The following KMT2A variants were observed in gnomAD, a reference collection of about 807,000 sequenced individuals.
The protein encoded by KMT2A is lysine methyltransferase 2A.
KMT2A carries 16 observed loss-of-function variants against 345.3 expected under a neutral mutation model. The observed-to-expected ratio is 0.05, with a 90% confidence interval of 0.03 to 0.07. The LOEUF is 0.07. KMT2A is among the 10% of genes least tolerant of loss of function. The pLI, the probability that KMT2A is intolerant of heterozygous loss-of-function variation, is 1.00. For synonymous variants in KMT2A, 1,599 were observed against 1,778.6 expected (o/e 0.90, Z 2.54); for missense variants, 3,272 against 4,841.6 (o/e 0.68, Z 9.62).
In KMT2A at chr11:118,506,479, A is replaced by T; in HGVS notation, c.10587A>T (p.Ala3529=). The change falls in exon 27 of 36, where the codon GCA becomes GCT. Residue 3529 remains alanine (A), a synonymous_variant. Coordinates refer to ENST00000534358, the MANE Select transcript of KMT2A (RefSeq NM_001197104.2). ...PSSPSSGQRS[A]SPSVPGPTKP... is the part of the protein sequence containing the mutation. ...CTCCATCTTCTGGACAGCGGTCAGC[A>T]AGCCCTTCAGTGCCGGGTCCCACTA... The T allele has an allele frequency of 6.2e-7, 1 of 1,614,214 alleles. No individual in the cohort carries two copies. Among genetic ancestry groups the T allele is most frequent in the South Asian group, 1.1e-5 (1 of 91,082 alleles).
At chr11:118,444,905 G>C (rs542504480) in intron 1 of KMT2A, among the ~76,000 whole-genome samples, 1 of 152,054 alleles carries the variant, frequency 6.6e-6, no homozygotes, top group Non-Finnish European at 1.5e-5. Flanking sequence ...CCATACCTCT[G>C]TTTCTTCATT....
In KMT2A at chr11:118,519,707, T is replaced by C; in HGVS notation, c.11236T>C (p.Tyr3746His). ...QLSGAKHCRNYKFRFHKPEEA... is the reference protein window; with the variant it reads ...QLSGAKHCRNHKFRFHKPEEA... ...GTCTGGTGCCAAGCACTGTCGAAAT[T>C]ACAAATTCCGTTTCCACAAGCCAGA... Residue 3746 changes from tyrosine (Y) to histidine (H), a missense_variant, in exon 32 of 36, where the codon TAC (tyrosine) becomes CAC (histidine). This residue lies in a region of KMT2A where 72 missense variants were observed against 135.6 expected (regional missense o/e 0.53). Coordinates refer to ENST00000534358, the MANE Select transcript of KMT2A (RefSeq NM_001197104.2). 1 of 1,614,184 alleles carries C rather than the reference T, an allele frequency of 6.2e-7. No individual in the cohort carries two copies.
At position 118,436,683 on chromosome 11, in the gene KMT2A, C is replaced by A. The variant is rs1555138558; in HGVS notation, c.171C>A (p.Pro57=). Residue 57 remains proline, a synonymous_variant, in exon 1 of 36, where the codon CCC becomes CCA. Coordinates refer to ENST00000534358, the MANE Select transcript of KMT2A (RefSeq NM_001197104.2). The surrounding 1 kb of genome is among the most constrained non-coding windows in gnomAD (Gnocchi z 6.9). ...GCGGCCCCGGGGCGCCCCCCTCCCC[C>A]CCGGCTGTGGCGGCCGCGGCGGCGG... The part of the protein sequence containing the change: ...GGGGPGAPPS[P]PAVAAAAAAA... 3.1e-6 allele frequency: 4 copies of A among 1,273,850 alleles called. No homozygotes were observed. The highest frequency in any genetic ancestry group is 3.0e-6 in the Non-Finnish European group (3 of 1,008,114). 78.9% of individuals were successfully genotyped at this position (1,273,850 alleles called of 1,614,324 possible).
chr11:118,458,033 C>G (rs1949679893), intron 1 of KMT2A, among the ~76,000 whole-genome samples: 1 of 152,036 alleles, frequency 6.6e-6, no homozygotes, highest in African/African-American at 2.4e-5. Context: ...TCCTCCCAAC[C>G]TGAGGGCATT....
intron 1 of KMT2A, among the ~76,000 whole-genome samples, chr11:118,455,666 T>C (rs1414213659): frequency 6.7e-6 from 1 of 149,632 alleles, no homozygotes; most frequent in Admixed American, 6.6e-5. Context: ...CCCTTATTAT[T>C]ATTATTTTTT....
intron 31 of KMT2A, among the ~76,000 whole-genome samples, chr11:118,515,273 G>A (rs1555051306): frequency 2.0e-5 from 3 of 152,100 alleles, no homozygotes; most frequent in Admixed American, 2.0e-4. Flanking sequence ...AAATTCCCTG[G>A]TTTACACAAC....
chr11:118,482,752 C>G (rs1366287388), intron 8 of KMT2A, among the ~76,000 whole-genome samples: 1 of 115,320 alleles, frequency 8.7e-6, no homozygotes. Context: ...TTTATTTAAA[C>G]AAAAAAAAAA....
At chr11:118,509,258 G>A (rs2134428117) in intron 29 of KMT2A, 58 bp downstream of exon 29, 2 of 1,335,868 alleles carry the variant, frequency 1.5e-6, no homozygotes, top group East Asian at 2.4e-5. Context: ...AGGATTATGA[G>A]AATCACCCAC....
chr11:118,506,234 G>A lies in KMT2A; in HGVS notation c.10342G>A (p.Glu3448Lys). ...TGITAASPSG[E>K]ADEHYQLQHV... ...CATAACAGCCGCTTCACCTTCTGGG[G>A]AAGCAGACGAACACTATCAGCTTCA... The change falls in exon 27 of 36, where the codon GAA becomes AAA. Residue 3448 changes from glutamate (E) to lysine (K), a missense_variant. Physicochemically the swap from Glu to Lys is moderately conservative, Grantham distance 56. Transcript: ENST00000534358. 1 of 1,614,178 alleles carries A rather than the reference G, an allele frequency of 6.2e-7. No individual in the cohort carries two copies. Among genetic ancestry groups the A allele is most frequent in the Non-Finnish European group, 8.5e-7 (1 of 1,180,032 alleles).
rs781823487 is a variant in KMT2A, at chr11:118,481,979, A to C, written c.3899A>C (p.Gln1300Pro). ...AGGAAGTCAAGCAAGCAGGTCTCCC[A>C]GCCAGCACTGGTCATCCCGCCTCAG... ...ASRKSSKQVS[Q>P]PALVIPPQPP... Residue 1300 changes from glutamine to proline, a missense_variant, in exon 7 of 36, where the codon CAG becomes CCG. This residue lies in a region of KMT2A where 168 missense variants were observed against 216.0 expected (regional missense o/e 0.78). Transcript: ENST00000534358. 1 of 1,614,250 alleles carries C rather than the reference A, an allele frequency of 6.2e-7. No homozygotes were observed. The highest frequency in any genetic ancestry group is 8.5e-7 in the Non-Finnish European group (1 of 1,180,042).
At chr11:118,461,411 G>C (rs1022001447) in intron 1 of KMT2A, among the ~76,000 whole-genome samples, 1 of 152,172 alleles carries the variant, frequency 6.6e-6, no homozygotes, top group African/African-American at 2.4e-5. Context: ...TTAATTTGCT[G>C]TCTTAATCAC....
Position 118,491,642 on chromosome 11 carries a change from C to G in KMT2A, c.4820-102C>G. On this transcript the variant is annotated intron_variant, in intron 14 of 35. Coordinates refer to ENST00000534358, the MANE Select transcript of KMT2A (RefSeq NM_001197104.2). This position sits in a 1 kb window ranked among gnomAD's most constrained non-coding sequence, Gnocchi z 4.2. ...AGGACATTAAAATCTTAATGTGGTT[C>G]CCAACATATGGCTTTATAGTAAGTT... 1.1e-6 allele frequency: 1 copy of G among 894,908 alleles called. No individual in the cohort carries two copies. The highest frequency in any genetic ancestry group is 2.5e-5 in the East Asian group (1 of 40,358). The allele number at this position is 894,908 out of a possible 1,614,324, so 55.4% of individuals were successfully genotyped here.
chr11:118,501,160 T>G lies in KMT2A; in HGVS notation c.6319+13T>G. 2.5e-6 allele frequency: 4 copies of G among 1,611,112 alleles called. No homozygotes were observed. Among genetic ancestry groups the G allele is most frequent in the Non-Finnish European group, 3.4e-6 (4 of 1,178,054 alleles). ...ACATCTTTTACAGGTTAGTCTTGAA[T>G]CAAGATGGGACTTGAGGCTGGGCAC... On this transcript the variant is annotated intron_variant, in intron 25 of 35. Coordinates refer to ENST00000534358, the MANE Select transcript of KMT2A (RefSeq NM_001197104.2).
rs1461476150 is a variant in KMT2A at position 118,476,664 on chromosome 11, A to G, written c.3157-141A>G. 2.9e-6 allele frequency: 2 copies of G among 690,196 alleles called. No individual in the cohort carries two copies. Among genetic ancestry groups the G allele is most frequent in the Non-Finnish European group, 4.8e-6 (2 of 419,438 alleles). 42.8% of individuals were successfully genotyped at this position (690,196 alleles called of 1,614,324 possible). On this transcript the variant is annotated intron_variant, in intron 3 of 35. Transcript: ENST00000534358. The surrounding 1 kb of genome is among the most constrained non-coding windows in gnomAD (Gnocchi z 4.1). ...AGTAATAGTTGATTTCTGTTTTGAT[A>G]TGATTTATCAGCTGGGAATAATTAG...
At chr11:118,477,065 T>G in intron 4 of KMT2A, 83 bp downstream of exon 4, 1 of 1,320,744 alleles carries the variant, frequency 7.6e-7, no homozygotes, top group Admixed American at 1.8e-5. Flanking sequence ...AGTAGGCTCT[T>G]CATAGTTAGT....
chr11:118,485,955 C>T (rs1021706403), intron 10 of KMT2A, among the ~76,000 whole-genome samples: 5 of 152,058 alleles, frequency 3.3e-5, no homozygotes, highest in African/African-American at 4.8e-5. Flanking sequence ...TGGTGGCGGG[C>T]GCCTGTAGTC....
rs200927500 is a variant in KMT2A at position 118,505,532 on chromosome 11, G to C, written c.9640G>C (p.Val3214Leu). Residue 3214 changes from valine to leucine, a missense_variant, in exon 27 of 36, where the codon GTA (valine) becomes CTA (leucine). Physicochemically the swap from Val to Leu is conservative, Grantham distance 32. Around this residue, in one of 27 missense-constraint regions of KMT2A, gnomAD observed 748 missense variants for 922.2 expected, o/e 0.81. Coordinates refer to ENST00000534358, the MANE Select transcript of KMT2A (RefSeq NM_001197104.2). The surrounding 1 kb of genome is among the most constrained non-coding windows in gnomAD (Gnocchi z 4.6). ...CCAGAGGACAGACCTCAGTACCACA[G>C]TAGCCACTCCATCCTCTGGACTCAA... ...SSQRTDLSTT[V>L]ATPSSGLKKR... is the part of the protein sequence containing the mutation. 1 of 1,613,026 alleles carries C rather than the reference G, an allele frequency of 6.2e-7. No homozygotes were observed. Among genetic ancestry groups the C allele is most frequent in the Non-Finnish European group, 8.5e-7 (1 of 1,179,746 alleles).
chr11:118,526,293 G>A lies in KMT2A; in HGVS notation c.*4121G>A. On this transcript the variant is annotated 3_prime_UTR_variant, in exon 36 of 36. Transcript: ENST00000534358. ...TGTTTCTCTATTTTTGGTTATGAAT[G>A]TTGGGGTTACCACCTGCATTTAGGG... The A allele has an allele frequency of 4.5e-6, 1 of 223,796 alleles. No individual in the cohort carries two copies. The highest frequency in any genetic ancestry group is 8.9e-6 in the Non-Finnish European group (1 of 112,226). 13.9% of individuals were successfully genotyped at this position (223,796 alleles called of 1,614,324 possible).
intron 1 of KMT2A, among the ~76,000 whole-genome samples, chr11:118,438,715 T>A (rs1203113679): frequency 6.6e-6 from 1 of 152,188 alleles, no homozygotes; most frequent in Non-Finnish European, 1.5e-5. Flanking sequence ...TGGCCCCTCC[T>A]TTCAAGGAGC....
Sources: gnomAD v4.1 joint callset for allele counts (sites outside exome capture counted in the v4.1 genomes callset) on GRCh38, gnomAD v4.1.1 for gene constraint, gnomAD v4.1.1 regional missense constraint, Gnocchi (gnomAD v3.1) non-coding constraint, MANE v1.5 for transcripts, NCBI Gene and HGNC (gene_info 2026-07-23, HGNC 2026-07-21) for gene names.